The following IGSF11 variants were observed in gnomAD, a reference collection of about 807,000 sequenced individuals.
IGSF11 encodes immunoglobulin superfamily member 11, also known as CXADR like 1.
IGSF11 carries 22 observed loss-of-function variants against 41.0 expected under a neutral mutation model. The observed-to-expected ratio is 0.54, with a 90% CI of 0.38 to 0.77. IGSF11 has a LOEUF of 0.77. Ranked by LOEUF, IGSF11 falls within the 30% of genes least tolerant of loss-of-function variation. The pLI is 0.00. For synonymous variants in IGSF11, 219 were observed against 201.3 expected, an observed-to-expected ratio of 1.09 and a Z score of -0.74; for missense variants, 444 against 530.8, an observed-to-expected ratio of 0.84 and a Z score of 1.61.
intron 5 of IGSF11, among the ~76,000 whole-genome samples, chr3:118,905,128 G>A (rs1939418955): frequency 6.6e-6 from 1 of 152,056 alleles, no homozygotes; most frequent in Non-Finnish European, 1.5e-5. Flanking sequence ...TGGAAACTAG[G>A]GGATATCCTT....
chr3:118,903,016 C>A, intron 6 of IGSF11, 55 bp from the exon 7 acceptor site: 1 of 1,485,490 alleles, frequency 6.7e-7, no homozygotes, highest in South Asian at 1.2e-5. Flanking sequence ...TAATCCTATC[C>A]TCCTACCCTG....
chr3:118,928,524 C>G lies in IGSF11; in HGVS notation c.409G>C (p.Gly137Arg). 6.2e-7 allele frequency: 1 copy of G among 1,612,548 alleles called. No homozygotes were observed. The highest frequency in any genetic ancestry group is 1.3e-5 in the African/African-American group (1 of 74,984). Reference sequence around the variant, plus strand: ...TGTCACTCACCTAACACTGTGAGACCGGTGACCCCAATGTTCCTGCCCCCT... The same window carrying G: ...TGTCACTCACCTAACACTGTGAGACGGGTGACCCCAATGTTCCTGCCCCCT... Reference protein sequence around the residue: ...DIGGRNIGVTGLTVLVPPSAP... With the variant: ...DIGGRNIGVTRLTVLVPPSAP... Residue 137 changes from glycine to arginine, a missense_variant, in exon 3 of 7, where the codon GGT becomes CGT. Gly to Arg is a moderately radical substitution (Grantham distance 125, BLOSUM62 -2). Around this residue, in one of 3 missense-constraint regions of IGSF11, gnomAD observed 193 missense variants for 283.5 expected, o/e 0.68. Coordinates refer to ENST00000393775, the MANE Select transcript of IGSF11 (RefSeq NM_001015887.3).
Position 119,084,213 on chromosome 3 carries a change from G to A in IGSF11, c.49+20931C>T, listed in dbSNP as rs997725578. 3.3e-5 allele frequency among the ~76,000 whole-genome samples: 5 copies of A among 152,214 alleles called. 1 individual carries two copies. The highest frequency in any genetic ancestry group is 3.9e-4 in the East Asian group (2 of 5,182). On this transcript the variant is annotated intron_variant, in intron 1 of 6. Transcript: ENST00000354673. ...AATGTAATTTGAACAGATCTTTGGA[G>A]AGAACACACCAAATGTGGAAGGTGA...
chr3:119,028,491 A>G (rs1442921916), intron 1 of IGSF11, among the ~76,000 whole-genome samples: 3 of 152,222 alleles, frequency 2.0e-5, no homozygotes, highest in African/African-American at 7.2e-5. Context: ...CCTCAGGACT[A>G]AGAATACCAG....
intron 1 of IGSF11, among the ~76,000 whole-genome samples, chr3:118,983,640 C>G (rs1934964597): frequency 6.6e-6 from 1 of 152,022 alleles, no homozygotes; most frequent in Non-Finnish European, 1.5e-5. Flanking sequence ...TATTATTATT[C>G]CAGTTACACA....
At chr3:119,087,217 T>A (rs368530887) in intron 1 of IGSF11, among the ~76,000 whole-genome samples, 36 of 152,290 alleles carry the variant, frequency 2.4e-4, no homozygotes, top group African/African-American at 6.5e-4. Flanking sequence ...GATCCAGCAA[T>A]CCCACTAGTA....
intron 1 of IGSF11, among the ~76,000 whole-genome samples, chr3:118,969,305 T>C (rs1231177161): frequency 6.6e-6 from 1 of 152,056 alleles, no homozygotes; most frequent in Non-Finnish European, 1.5e-5. Context: ...AGAGGTAGAC[T>C]GGCAAAAAAA....
intron 1 of IGSF11, among the ~76,000 whole-genome samples, chr3:119,073,180 CA>C (rs1303972497): frequency 6.6e-6 from 1 of 152,038 alleles, no homozygotes; most frequent in Non-Finnish European, 1.5e-5. Context: ...AAAGGTTCTC[CA>C]AGTCCCCACC....
chr3:119,107,512 G>C (rs866560698), upstream of IGSF11, among the ~76,000 whole-genome samples: 1 of 151,370 alleles, frequency 6.6e-6, no homozygotes, highest in Non-Finnish European at 1.5e-5. Flanking sequence ...AGTAGGTTGC[G>C]AAAATTTTCT....
At chr3:119,036,497 G>A (rs775485842), upstream of IGSF11, among the ~76,000 whole-genome samples, 7 of 152,172 alleles carry the variant, frequency 4.6e-5, no homozygotes, top group Non-Finnish European at 1.0e-4. Flanking sequence ...GCTACTGAGA[G>A]CAACTCTTCA....
chr3:119,026,494 T>C (rs1363680707), intron 1 of IGSF11, among the ~76,000 whole-genome samples: 1 of 152,180 alleles, frequency 6.6e-6, no homozygotes, highest in Non-Finnish European at 1.5e-5. Context: ...TGTGCATTGA[T>C]GGTACAAAAG....
intron 1 of IGSF11, among the ~76,000 whole-genome samples, chr3:119,081,693 T>G (rs1401107753): frequency 6.6e-6 from 1 of 152,206 alleles, no homozygotes; most frequent in African/African-American, 2.4e-5. Flanking sequence ...TGAGAGTTGT[T>G]TTGGATTTCT....
chr3:118,954,534 A>G (rs1212086986), intron 1 of IGSF11, among the ~76,000 whole-genome samples: 1 of 152,090 alleles, frequency 6.6e-6, no homozygotes, highest in African/African-American at 2.4e-5. Flanking sequence ...TAATATTTTG[A>G]CTTCCTCCTA....
At chr3:118,910,105 C>G (rs1226971211) in intron 4 of IGSF11, among the ~76,000 whole-genome samples, 1 of 152,198 alleles carries the variant, frequency 6.6e-6, no homozygotes, top group Non-Finnish European at 1.5e-5. Flanking sequence ...TCTGTTGACT[C>G]TGCTTTTAGG....
intron 1 of IGSF11, among the ~76,000 whole-genome samples, chr3:118,967,125 G>A (rs1043311188): frequency 6.6e-6 from 1 of 151,974 alleles, no homozygotes. Context: ...CTAAACATAT[G>A]GGGATGCTAA....
At chr3:119,060,586 A>T (rs1195682074) in intron 1 of IGSF11, among the ~76,000 whole-genome samples, 1 of 152,198 alleles carries the variant, frequency 6.6e-6, no homozygotes, top group Non-Finnish European at 1.5e-5. Context: ...CTGTGATACA[A>T]GTAATTTTAC....
intron 1 of IGSF11, among the ~76,000 whole-genome samples, chr3:118,970,117 C>A (rs953189734): frequency 2.0e-5 from 3 of 152,188 alleles, no homozygotes; most frequent in Admixed American, 6.5e-5. Context: ...CATGCCACCA[C>A]CCCAGCTCTA....
chr3:119,034,690 C>G lies in IGSF11; in HGVS notation c.-108G>C, dbSNP rs997943638. On this transcript the variant is annotated 5_prime_UTR_variant, in exon 1 of 7. Coordinates refer to ENST00000393775, the MANE Select transcript of IGSF11 (RefSeq NM_001015887.3). ...TTGGGGCAGCCTGGTCCTCCCACACCCAGCGCCGGGCCGCTGTTCCCCGCG... is the reference window on the plus strand; with the variant it reads ...TTGGGGCAGCCTGGTCCTCCCACACGCAGCGCCGGGCCGCTGTTCCCCGCG... 4 of 1,402,176 alleles carry G rather than the reference C, an allele frequency of 2.9e-6. No individual in the cohort carries two copies. In the Admixed American group the frequency reaches 8.5e-5, roughly 30 times the overall value. 86.9% of individuals were successfully genotyped at this position (1,402,176 alleles called of 1,614,324 possible).
At chr3:118,981,070 C>T (rs1322709307) in intron 1 of IGSF11, among the ~76,000 whole-genome samples, 1 of 152,224 alleles carries the variant, frequency 6.6e-6, no homozygotes. Flanking sequence ...AGTTTCACCT[C>T]AAGGATCACT....
Sources: gnomAD v4.1 joint callset for allele counts (sites outside exome capture counted in the v4.1 genomes callset) on GRCh38, gnomAD v4.1.1 for gene constraint, gnomAD v4.1.1 regional missense constraint, MANE v1.5 for transcripts, NCBI Gene and HGNC (gene_info 2026-07-23, HGNC 2026-07-21) for gene names.